The following ABR variants were observed in gnomAD, a reference collection of about 807,000 sequenced individuals.
ABR encodes ABR activator of RhoGEF and GTPase, also known as active breakpoint cluster region-related protein.
ABR carries 35 observed loss-of-function variants against 107.2 expected under a neutral mutation model. That is an observed-to-expected ratio of 0.33 (90% CI 0.25 to 0.43). The LOEUF (loss-of-function observed/expected upper bound fraction) is 0.43. Ranked by LOEUF, ABR falls within the 20% of genes least tolerant of loss-of-function variation. ABR has a pLI of 1.00. For synonymous variants in ABR, 498 were observed against 462.0 expected, an observed-to-expected ratio of 1.08 and a Z score of -1.00; for missense variants, 815 against 1,115.2, an observed-to-expected ratio of 0.73 and a Z score of 3.83.
rs1425780090 is a variant in ABR at position 1,007,227 on chromosome 17, C to G, written c.2428G>C (p.Val810Leu). The change falls in exon 22 of 23, where the codon GTG becomes CTG. Residue 810 changes from valine to leucine, a missense_variant. Val to Leu is a conservative substitution (Grantham distance 32, BLOSUM62 1). Transcript: ENST00000302538. ...GAGGTGAGGTGTGCTTTGCTCTCCA[C>G]TTCTGAGGGTCTCAGTAACGTGGGT... ...FGPTLLRPSE[V>L]ESKAHLTSAA... 1.9e-6 allele frequency: 3 copies of G among 1,614,034 alleles called. No individual in the cohort carries two copies. In the African/African-American group the frequency reaches 4.0e-5, roughly 22 times the overall value.
chr17:1,146,280 C>CACACACACACAA (rs2040521618), intron 1 of ABR, among the ~76,000 whole-genome samples: 1 of 145,398 alleles, frequency 6.9e-6, no homozygotes, highest in Non-Finnish European at 1.5e-5. Context: ...CACACACACA[C>CACACACACACAA]ACACACACAC....
intron 16 of ABR, among the ~76,000 whole-genome samples, chr17:1,014,572 C>T (rs1278175682): frequency 6.6e-6 from 1 of 152,006 alleles, no homozygotes; most frequent in Non-Finnish European, 1.5e-5. Context: ...GGCACGGTGG[C>T]TCATGCCTGT....
At chr17:1,006,390 T>A (rs1252687163) in intron 22 of ABR, among the ~76,000 whole-genome samples, 2 of 152,172 alleles carry the variant, frequency 1.3e-5, no homozygotes, top group Non-Finnish European at 2.9e-5. Context: ...AAGCTTCTGC[T>A]CTGTCCTGAG....
intron 1 of ABR, among the ~76,000 whole-genome samples, chr17:1,172,424 C>T (rs534811398): frequency 6.6e-6 from 1 of 152,320 alleles, no homozygotes; most frequent in East Asian, 1.9e-4. Context: ...AGCGTCATGT[C>T]CCCAACTGAC....
At position 1,162,685 on chromosome 17, in the gene ABR, G is replaced by C. The variant is rs9909123; in HGVS notation, c.61+16982C>G. On this transcript the variant is annotated intron_variant, in intron 1 of 22. Coordinates refer to ENST00000302538, the MANE Select transcript of ABR (RefSeq NM_021962.5). ...CTCACACCTCTCATCCCAGCACTTTGAAAGGCTAGGCCAAGCACAGTGGCT... is the reference window on the plus strand; with the variant it reads ...CTCACACCTCTCATCCCAGCACTTTCAAAGGCTAGGCCAAGCACAGTGGCT... 1.8e-3 allele frequency among the ~76,000 whole-genome samples: 269 copies of C among 151,206 alleles called. 2 individuals are homozygous for C. Among genetic ancestry groups the C allele is most frequent in the African/African-American group, 6.0e-3 (247 of 41,016 alleles).
Position 1,160,991 on chromosome 17 carries a change from G to A in ABR, c.61+18676C>T, listed in dbSNP as rs548573065. ...GCAGACGGTGCCTTCTGAGGGAAGC[G>A]GGCAGGTGTCGCTGGACCGCCCTGC... On this transcript the variant is annotated intron_variant, in intron 1 of 22. Coordinates refer to ENST00000302538, the MANE Select transcript of ABR (RefSeq NM_021962.5). Among the ~76,000 whole-genome samples the A allele has an allele frequency of 1.8e-4, 27 of 152,194 alleles. No individual in the cohort carries two copies. In the South Asian group the frequency reaches 2.5e-3, roughly 14 times the overall value.
chr17:1,214,386 G>T (rs2042959736), intron 1 of ABR, among the ~76,000 whole-genome samples: 1 of 152,120 alleles, frequency 6.6e-6, no homozygotes, highest in Non-Finnish European at 1.5e-5. Flanking sequence ...CCCCAGGGAT[G>T]ACTTAGGCAA....
chr17:1,067,416 A>C (rs997449247), intron 9 of ABR, among the ~76,000 whole-genome samples, 174 bp from the exon 10 acceptor site: 1 of 152,180 alleles, frequency 6.6e-6, no homozygotes, highest in African/African-American at 2.4e-5. Context: ...GGAGTGATGA[A>C]AGCTGGGTTC....
chr17:1,124,930 G>A (rs1253155841), intron 2 of ABR, among the ~76,000 whole-genome samples: 1 of 152,194 alleles, frequency 6.6e-6, no homozygotes, highest in East Asian at 1.9e-4. Flanking sequence ...AGGGGTCTGG[G>A]AGGCCTGGGG....
chr17:1,127,576 C>T (rs1035604380), intron 1 of ABR, among the ~76,000 whole-genome samples: 16 of 152,202 alleles, frequency 1.1e-4, no homozygotes, highest in Admixed American at 7.8e-4. Context: ...GGCAGCCTCC[C>T]GCCGGCCCCT....
intron 1 of ABR, among the ~76,000 whole-genome samples, chr17:1,145,125 C>T (rs561441902): frequency 8.5e-5 from 13 of 152,330 alleles, no homozygotes; most frequent in Middle Eastern, 3.4e-3. Context: ...CTGTCTTCCC[C>T]GCGAGGTGGT....
chr17:1,220,102 C>T (rs949719730), intron 1 of ABR, among the ~76,000 whole-genome samples: 1 of 151,648 alleles, frequency 6.6e-6, no homozygotes, highest in Non-Finnish European at 1.5e-5. Context: ...CCAGCCTGGC[C>T]AACATGGTGA....
At chr17:1,199,700 A>G (rs2042637223) in intron 1 of ABR, among the ~76,000 whole-genome samples, 2 of 151,904 alleles carry the variant, frequency 1.3e-5, no homozygotes, top group Admixed American at 1.3e-4. Flanking sequence ...TGATCCACCC[A>G]CCTCAGCTGC....
intron 1 of ABR, among the ~76,000 whole-genome samples, chr17:1,193,267 A>ACCCCCC (rs1369346504): frequency 5.2e-5 from 7 of 135,888 alleles, no homozygotes; most frequent in Non-Finnish European, 8.4e-5. Context: ...TTTCTGGGAC[A>ACCCCCC]CCCCCTCCCC....
At chr17:1,077,807 A>C (rs1279117870) in intron 6 of ABR, among the ~76,000 whole-genome samples, 1 of 152,200 alleles carries the variant, frequency 6.6e-6, no homozygotes, top group Non-Finnish European at 1.5e-5. Flanking sequence ...AGGAAGAGGA[A>C]GGTCCTAAAA....
chr17:1,096,032 GAC>G (rs2037400519), intron 3 of ABR, among the ~76,000 whole-genome samples: 2 of 152,196 alleles, frequency 1.3e-5, no homozygotes. Flanking sequence ...AGCGTAGCAA[GAC>G]ACAGTTCCCA....
At chr17:1,214,013 G>A (rs2042952790) in intron 1 of ABR, among the ~76,000 whole-genome samples, 1 of 151,356 alleles carries the variant, frequency 6.6e-6, no homozygotes, top group Non-Finnish European at 1.5e-5. Flanking sequence ...TCAGCCTCCC[G>A]AGTAGCTGGG....
At chr17:1,168,144 G>C (rs573119851) in intron 1 of ABR, among the ~76,000 whole-genome samples, 6 of 152,118 alleles carry the variant, frequency 3.9e-5, no homozygotes, top group African/African-American at 9.7e-5. Context: ...AAATTAGCCG[G>C]GCATGGTGGC....
chr17:1,006,168 A>G lies in ABR; in HGVS notation c.2492T>C (p.Val831Ala). 6.3e-7 allele frequency: 1 copy of G among 1,574,914 alleles called. No individual in the cohort carries two copies. Among genetic ancestry groups the G allele is most frequent in the Non-Finnish European group, 8.6e-7 (1 of 1,159,614 alleles). ...CTGCAGGTAGTAGAGGAGGACCTGG[A>G]CCTGTGGGGAGACAGGAAGGCGGAG... The part of the protein sequence containing the change: ...DIWSHDVMAQ[V>A]QVLLYYLQHP... The change falls in exon 23 of 23, where the codon GTC (valine) becomes GCC (alanine). Residue 831 changes from valine to alanine, a missense_variant and splice_region_variant. Physicochemically the swap from Val to Ala is moderately conservative, Grantham distance 64 (BLOSUM62 0). Coordinates refer to ENST00000302538, the MANE Select transcript of ABR (RefSeq NM_021962.5).
Sources: allele counts gnomAD v4.1 joint callset (sites outside exome capture counted in the v4.1 genomes callset), GRCh38; gene constraint gnomAD v4.1.1; transcripts MANE v1.5; gene names NCBI Gene and HGNC (gene_info 2026-07-23, HGNC 2026-07-21).